Variants in CYP2C19 observed in about 807,000 individuals in gnomAD.
CYP2C19 encodes the protein cytochrome P450 2C19.
Under a neutral mutation model 40.9 loss-of-function variants are expected in CYP2C19, and 59 were observed. That is an observed-to-expected ratio of 1.44 (90% CI 1.17 to 1.79). CYP2C19 has a LOEUF of 1.79. CYP2C19 is among the 40% of genes most tolerant of loss of function. The pLI, the probability that CYP2C19 is intolerant of heterozygous loss-of-function variation, is 0.00. For synonymous variants in CYP2C19, 253 were observed against 208.7 expected (o/e 1.21, Z -1.83); for missense variants, 754 against 596.9 (o/e 1.26, Z -2.74).
At chr10:94,817,672 G>T (rs1309648461) in intron 5 of CYP2C19, among the ~76,000 whole-genome samples, 1 of 150,744 alleles carries the variant, frequency 6.6e-6, no homozygotes, top group African/African-American at 2.4e-5. Flanking sequence ...TGTCCTGAAT[G>T]GTAATGCCTA....
chr10:94,780,839 G>C (rs569202714), intron 4 of CYP2C19, among the ~76,000 whole-genome samples, 180 bp downstream of exon 4: 1 of 152,114 alleles, frequency 6.6e-6, no homozygotes, highest in South Asian at 2.1e-4. Flanking sequence ...CACAGGAAAT[G>C]AATATCCCAA....
rs375127360 is a variant in CYP2C19, at chr10:94,820,694, G to C, written c.961+57G>C. On this transcript the variant is annotated intron_variant, in intron 6 of 8. Coordinates refer to ENST00000371321, the MANE Select transcript of CYP2C19 (RefSeq NM_000769.4). ...TTAGGAAAGATGTTGGGAAGGTGCT[G>C]CTAGTGTTCTCCTTTCTGTTTCTCT... The C allele has an allele frequency of 1.7e-4, 277 of 1,601,344 alleles. 1 individual carries two copies. In the African/African-American group the frequency reaches 3.3e-3, roughly 19 times the overall value.
chr10:94,849,519 T>G (rs1047034433), intron 7 of CYP2C19, among the ~76,000 whole-genome samples: 2 of 151,882 alleles, frequency 1.3e-5, no homozygotes, highest in Admixed American at 6.6e-5. Flanking sequence ...TTAGGGTACA[T>G]GTGCACAATG....
In CYP2C19 at chr10:94,852,739, G is replaced by A. The variant is rs774840036; in HGVS notation, c.1298G>A (p.Arg433Gln). Residue 433 changes from arginine to glutamine, a missense_variant, in exon 9 of 9, where the codon CGG becomes CAG. By Grantham distance (43) the Arg-to-Gln change is conservative. Transcript: ENST00000371321. ...CTATGTTTGTTATTTTCAGGAAAAC[G>A]GATTTGTGTGGGAGAGGGCCTGGCC... ...NYFMPFSAGK[R>Q]ICVGEGLARM... is the part of the protein sequence containing the mutation. 2.3e-5 allele frequency: 37 copies of A among 1,613,778 alleles called. No homozygotes were observed. The highest frequency in any genetic ancestry group is 3.0e-5 in the Non-Finnish European group (35 of 1,179,844).
chr10:94,765,949 G>T (rs1451276111), intron 1 of CYP2C19, among the ~76,000 whole-genome samples: 1 of 152,088 alleles, frequency 6.6e-6, no homozygotes, highest in East Asian at 1.9e-4. Flanking sequence ...TAGTTACAAG[G>T]CTGTGTATGG....
chr10:94,770,740 A>G (rs146058526), intron 1 of CYP2C19, among the ~76,000 whole-genome samples: 7,242 of 152,118 alleles, frequency 0.048, 244 homozygotes, highest in South Asian at 0.11. Context: ...TCCCTGAGTT[A>G]TGGTGGACAT....
chr10:94,819,261 G>A (rs1849071262), intron 5 of CYP2C19, among the ~76,000 whole-genome samples: 1 of 85,668 alleles, frequency 1.2e-5, no homozygotes, highest in Non-Finnish European at 2.3e-5. Context: ...GAAATTTATA[G>A]CACTAAATGC....
At chr10:94,767,584 G>A (rs572931679) in intron 1 of CYP2C19, among the ~76,000 whole-genome samples, 2 of 152,126 alleles carry the variant, frequency 1.3e-5, no homozygotes, top group Admixed American at 1.3e-4. Context: ...CCCCCAAAGG[G>A]GCCCTATGAT....
At chr10:94,805,399 G>A (rs563505365) in intron 5 of CYP2C19, among the ~76,000 whole-genome samples, 1 of 152,176 alleles carries the variant, frequency 6.6e-6, no homozygotes, top group East Asian at 1.9e-4. Context: ...AATCTAACTT[G>A]TTTATTGTGT....
chr10:94,800,827 G>C (rs528642175), intron 5 of CYP2C19, among the ~76,000 whole-genome samples: 1 of 152,340 alleles, frequency 6.6e-6, no homozygotes, highest in South Asian at 2.1e-4. Flanking sequence ...CACTGAGCCA[G>C]GCACGGGAGA....
At chr10:94,772,010 A>G (rs544072575) in intron 1 of CYP2C19, among the ~76,000 whole-genome samples, 8 of 152,282 alleles carry the variant, frequency 5.3e-5, no homozygotes, top group African/African-American at 1.9e-4. Context: ...TTACCAATGC[A>G]TTCTCAAAAA....
intron 7 of CYP2C19, among the ~76,000 whole-genome samples, chr10:94,848,437 ATC>A (rs1458585082): frequency 3.3e-5 from 5 of 152,080 alleles, no homozygotes; most frequent in Admixed American, 1.3e-4. Context: ...ATTGGTCTAC[ATC>A]TCTGTTTTGG....
At chr10:94,769,525 G>T (rs764715735) in intron 1 of CYP2C19, among the ~76,000 whole-genome samples, 3 of 152,242 alleles carry the variant, frequency 2.0e-5, no homozygotes, top group South Asian at 4.1e-4. Flanking sequence ...TAGGGGTTGG[G>T]TACAACTGGA....
At chr10:94,769,557 T>C (rs577608214) in intron 1 of CYP2C19, among the ~76,000 whole-genome samples, 2 of 152,200 alleles carry the variant, frequency 1.3e-5, no homozygotes, top group Non-Finnish European at 2.9e-5. Context: ...TACTGCCTCA[T>C]TGATGAGTAT....
At position 94,832,950 on chromosome 10, in the gene CYP2C19, T is replaced by C. The variant is rs186254704; in HGVS notation, c.962-9887T>C. 2.5e-3 allele frequency among the ~76,000 whole-genome samples: 385 copies of C among 152,298 alleles called. 2 individuals carry two copies. The highest frequency in any genetic ancestry group is 8.1e-3 in the African/African-American group (337 of 41,594). On this transcript the variant is annotated intron_variant, in intron 6 of 8. Coordinates refer to ENST00000371321, the MANE Select transcript of CYP2C19 (RefSeq NM_000769.4). Reference sequence around the variant, plus strand: ...TTAAAACTCTTTCCTCAGTGCTTTATAGTTTTCATTACAGAGATCTTTCAG... The same window carrying C: ...TTAAAACTCTTTCCTCAGTGCTTTACAGTTTTCATTACAGAGATCTTTCAG...
At chr10:94,848,156 C>G (rs1301081819) in intron 7 of CYP2C19, among the ~76,000 whole-genome samples, 1 of 152,128 alleles carries the variant, frequency 6.6e-6, no homozygotes, top group Non-Finnish European at 1.5e-5. Flanking sequence ...CTTGCCCATG[C>G]CTATGTCCTG....
intron 6 of CYP2C19, among the ~76,000 whole-genome samples, chr10:94,828,517 T>G (rs1476756663): frequency 3.4e-5 from 5 of 148,470 alleles, no homozygotes; most frequent in Admixed American, 6.7e-5. Flanking sequence ...ATTGGCTTGG[T>G]AGATCTTCCT....
intron 6 of CYP2C19, among the ~76,000 whole-genome samples, chr10:94,826,976 G>C (rs575164865): frequency 6.6e-6 from 1 of 151,978 alleles, no homozygotes; most frequent in Non-Finnish European, 1.5e-5. Context: ...ATTGATTTGC[G>C]TATATTGAAC....
At chr10:94,765,820 T>C (rs1848233073) in intron 1 of CYP2C19, among the ~76,000 whole-genome samples, 1 of 152,030 alleles carries the variant, frequency 6.6e-6, no homozygotes, top group Admixed American at 6.5e-5. Flanking sequence ...TATGATCAGT[T>C]GGGGCTTGAA....
Sources: allele counts gnomAD v4.1 joint callset (sites outside exome capture counted in the v4.1 genomes callset), GRCh38; gene constraint gnomAD v4.1.1; transcripts MANE v1.5; gene names NCBI Gene and HGNC (gene_info 2026-07-23, HGNC 2026-07-21).